Variants in GALNT18 observed in about 807,000 individuals in gnomAD.
GALNT18 encodes the protein GalNAc-transferase 18.
A neutral mutation model predicts 69.5 loss-of-function variants in GALNT18; 44 were observed. The ratio of observed to expected loss-of-function variants is 0.63; its 90% CI spans 0.50 to 0.81. The LOEUF (loss-of-function observed/expected upper bound fraction) is 0.81. Ranked by LOEUF, GALNT18 falls within the 40% of genes least tolerant of loss-of-function variation. The pLI is 0.00. For missense variants in GALNT18, 715 were observed against 810.0 expected, an observed-to-expected ratio of 0.88 and a Z score of 1.42; for synonymous variants, 364 against 318.2, an observed-to-expected ratio of 1.14 and a Z score of -1.53.
Position 11,476,999 on chromosome 11 carries a change from G to A in GALNT18, c.236-28063C>T, listed in dbSNP as rs1051677313. On this transcript the variant is annotated intron_variant, in intron 1 of 10. Transcript: ENST00000227756. ...TCTGAGTTGGGGTCCACCCATCCCC[G>A]AGGGAAAGGCTGGATGACCGACCTC... Among the ~76,000 whole-genome samples, 33 of 152,204 alleles carry A rather than the reference G, an allele frequency of 2.2e-4. 1 individual carries two copies. The highest frequency in any genetic ancestry group is 1.0e-4 in the Non-Finnish European group (7 of 68,024).
intron 10 of GALNT18, among the ~76,000 whole-genome samples, chr11:11,278,902 C>A (rs1476186508): frequency 6.6e-6 from 1 of 152,014 alleles, no homozygotes; most frequent in African/African-American, 2.4e-5. Flanking sequence ...AAAAGATAAC[C>A]CAATTATTCT....
rs77591236 is a variant in GALNT18 at position 11,590,273 on chromosome 11, A to G, written c.235+31086T>C. ...TCATGGGCACCTCCATGCTCTTTCC[A>G]TGTTCTCTCTCCCCGTATCTGCCGA... On this transcript the variant is annotated intron_variant, in intron 1 of 10. Transcript: ENST00000227756. The surrounding 1 kb of genome is among the most constrained non-coding windows in gnomAD (Gnocchi z 4.4). Among the ~76,000 whole-genome samples the G allele has an allele frequency of 0.023, 3,530 of 152,214 alleles. 144 individuals are homozygous for G. The highest frequency in any genetic ancestry group is 0.081 in the African/African-American group (3,367 of 41,522).
At position 11,273,766 on chromosome 11, in the gene GALNT18, G is replaced by A. The variant is rs183721918; in HGVS notation, c.1678-2476C>T. On this transcript the variant is annotated intron_variant, in intron 10 of 10. Transcript: ENST00000227756. ...TCCCATGTTTATTGCAGCACTATTC[G>A]CAATAGACAACATATGGAATCAACC... is the stretch of plus-strand genomic sequence containing the variant. 4.0e-3 allele frequency among the ~76,000 whole-genome samples: 605 copies of A among 152,176 alleles called. 4 individuals carry two copies. Among genetic ancestry groups the A allele is most frequent in the Non-Finnish European group, 6.6e-3 (452 of 68,014 alleles).
Position 11,459,406 on chromosome 11 carries a change from G to T in GALNT18, c.236-10470C>A, listed in dbSNP as rs1418702181. Among the ~76,000 whole-genome samples the T allele has an allele frequency of 6.6e-6, 1 of 152,198 alleles. No homozygotes were observed. The highest frequency in any genetic ancestry group is 2.4e-5 in the African/African-American group (1 of 41,460). On this transcript the variant is annotated intron_variant, in intron 1 of 10. Transcript: ENST00000227756. The surrounding 1 kb of genome is among the most constrained non-coding windows in gnomAD (Gnocchi z 5.0). ...GAGGACTTTATTCAGCATGGCAAAG[G>T]AAATCTAGGATGGCTTCCTCTGACA...
chr11:11,571,034 G>A (rs1203909928), intron 1 of GALNT18, among the ~76,000 whole-genome samples: 1 of 152,172 alleles, frequency 6.6e-6, no homozygotes, highest in Non-Finnish European at 1.5e-5. Context: ...ATGCTAAACT[G>A]AGTCACCATG....
rs113309842 is a variant in GALNT18, at chr11:11,443,605, C to T, written c.428+5139G>A. Among the ~76,000 whole-genome samples, 13 of 152,108 alleles carry T rather than the reference C, an allele frequency of 8.5e-5. No homozygotes were observed. The East Asian group carries it at 9.7e-4, about 11-fold the overall frequency. On this transcript the variant is annotated intron_variant, in intron 2 of 10. Coordinates refer to ENST00000227756, the MANE Select transcript of GALNT18 (RefSeq NM_198516.3). ...AGAGCCATAGGACATCTGGAGCCTG[C>T]GGCTGGGGCCATGGGGGATGGAGCC...
chr11:11,465,560 G>A lies in GALNT18; in HGVS notation c.236-16624C>T, dbSNP rs1255264136. ...GGTCAGGAAGCACAGCTTAGGAAGG[G>A]TCTTGAGAATGGCCTCCGGGAACCA... On this transcript the variant is annotated intron_variant, in intron 1 of 10. Transcript: ENST00000227756. The surrounding 1 kb of genome is among the most constrained non-coding windows in gnomAD (Gnocchi z 5.7). 2.6e-5 allele frequency among the ~76,000 whole-genome samples: 4 copies of A among 152,140 alleles called. No individual in the cohort carries two copies. The East Asian group carries it at 7.7e-4, about 29-fold the overall frequency.
Position 11,591,159 on chromosome 11 carries a change from C to CGTGTGTGTGTGT in GALNT18, c.235+30188_235+30199dup, listed in dbSNP as rs142063535. Reference sequence around the variant, plus strand: ...TGCTGACTCTGTAGGCCTAGGCTACCGTGTGTGTGTGTGTGTGTGTGTGTG... The same window carrying CGTGTGTGTGTGT: ...TGCTGACTCTGTAGGCCTAGGCTACCGTGTGTGTGTGTGTGTGTGTGTGTGTGTGTGTGTGTG... On this transcript the variant is annotated intron_variant, in intron 1 of 10. Transcript: ENST00000227756. This position sits in a 1 kb window ranked among gnomAD's most constrained non-coding sequence, Gnocchi z 4.8. 2.2e-3 allele frequency among the ~76,000 whole-genome samples: 323 copies of CGTGTGTGTGTGT among 149,056 alleles called. 1 individual carries two copies. The highest frequency in any genetic ancestry group is 0.014 in the Middle Eastern group (4 of 286).
chr11:11,423,601 G>A (rs923814079), intron 3 of GALNT18, among the ~76,000 whole-genome samples: 1 of 152,088 alleles, frequency 6.6e-6, no homozygotes. Flanking sequence ...TTCCCTTTTT[G>A]TCTCCTACTT....
chr11:11,313,570 T>G (rs748698528), intron 9 of GALNT18, among the ~76,000 whole-genome samples: 1 of 152,180 alleles, frequency 6.6e-6, no homozygotes, highest in Non-Finnish European at 1.5e-5. Context: ...CACCCTGTGA[T>G]GGCTTATTGT....
In GALNT18 at chr11:11,583,769, A is replaced by C. The variant is rs1859150194; in HGVS notation, c.235+37590T>G. Among the ~76,000 whole-genome samples the C allele has an allele frequency of 6.6e-6, 1 of 152,066 alleles. No homozygotes were observed. Among genetic ancestry groups the C allele is most frequent in the Admixed American group, 6.5e-5 (1 of 15,270 alleles). On this transcript the variant is annotated intron_variant, in intron 1 of 10. Transcript: ENST00000227756. This position sits in a 1 kb window ranked among gnomAD's most constrained non-coding sequence, Gnocchi z 4.7. ...TTCAGAAAAGCAAAAATCAAACCAG[A>C]CTTATAGCACTATCGGCCAGTAATG...
rs1317971507 is a variant in GALNT18, at chr11:11,435,559, A to G, written c.429-2772T>C. 6.6e-6 allele frequency among the ~76,000 whole-genome samples: 1 copy of G among 152,072 alleles called. No individual in the cohort carries two copies. ...ACCTGTTTATTGTCTGCCCCTCTCT[A>G]CTAGAATGAAGCCCCCTGAGAGCAG... On this transcript the variant is annotated intron_variant, in intron 2 of 10. Transcript: ENST00000227756. The surrounding 1 kb of genome is among the most constrained non-coding windows in gnomAD (Gnocchi z 4.4).
At chr11:11,408,319 C>T (rs1422026574) in intron 3 of GALNT18, among the ~76,000 whole-genome samples, 2 of 133,128 alleles carry the variant, frequency 1.5e-5, no homozygotes, top group African/African-American at 2.8e-5. Flanking sequence ...GAGCCAAGAT[C>T]GTGGCACAGC....
At chr11:11,508,751 A>T (rs1857116301) in intron 1 of GALNT18, among the ~76,000 whole-genome samples, 1 of 152,232 alleles carries the variant, frequency 6.6e-6, no homozygotes, top group Non-Finnish European at 1.5e-5. Flanking sequence ...ATGCACTTAC[A>T]GGATAGAACT....
At chr11:11,283,512 G>C (rs1312971401) in intron 10 of GALNT18, among the ~76,000 whole-genome samples, 1 of 152,194 alleles carries the variant, frequency 6.6e-6, no homozygotes, top group Non-Finnish European at 1.5e-5. Flanking sequence ...GGGTGGTGCT[G>C]TGTTGGGCAC....
chr11:11,347,099 C>T lies in GALNT18; in HGVS notation c.1093-6095G>A. ...AGGTCAGGGTTACATCTTGTATTGG[C>T]CACTCACACAAACAAGCCTCCTGCT... On this transcript the variant is annotated intron_variant, in intron 6 of 10. Coordinates refer to ENST00000227756, the MANE Select transcript of GALNT18 (RefSeq NM_198516.3). This position sits in a 1 kb window ranked among gnomAD's most constrained non-coding sequence, Gnocchi z 4.0. Among the ~76,000 whole-genome samples, 1 of 152,146 alleles carries T rather than the reference C, an allele frequency of 6.6e-6. No individual in the cohort carries two copies. Among genetic ancestry groups the T allele is most frequent in the African/African-American group, 2.4e-5 (1 of 41,434 alleles).
Position 11,282,213 on chromosome 11 carries a change from A to G in GALNT18, c.1677+10816T>C, listed in dbSNP as rs565396129. Among the ~76,000 whole-genome samples, 7 of 152,244 alleles carry G rather than the reference A, an allele frequency of 4.6e-5. No homozygotes were observed. In the East Asian group the frequency reaches 9.7e-4, roughly 21 times the overall value. The stretch of plus-strand genomic sequence containing the variant: ...CTCTCGGAAAATTTCATTCACAAAC[A>G]TTGCAAAGAAGCCTTCCTTTCCCAC... On this transcript the variant is annotated intron_variant, in intron 10 of 10. Coordinates refer to ENST00000227756, the MANE Select transcript of GALNT18 (RefSeq NM_198516.3).
chr11:11,609,129 A>T (rs564197573), intron 1 of GALNT18, among the ~76,000 whole-genome samples: 1 of 152,318 alleles, frequency 6.6e-6, no homozygotes, highest in African/African-American at 2.4e-5. Context: ...CAAGAGAAGT[A>T]CCCAGGAAGC....
intron 6 of GALNT18, among the ~76,000 whole-genome samples, chr11:11,350,754 A>G (rs954343048): frequency 2.0e-5 from 3 of 152,118 alleles, no homozygotes; most frequent in African/African-American, 7.2e-5. Flanking sequence ...CCACCCCACC[A>G]TCTGCTGGAT....
Sources: gnomAD v4.1 joint callset for allele counts (sites outside exome capture counted in the v4.1 genomes callset) on GRCh38, gnomAD v4.1.1 for gene constraint, Gnocchi (gnomAD v3.1) non-coding constraint, MANE v1.5 for transcripts, NCBI Gene and HGNC (gene_info 2026-07-23, HGNC 2026-07-21) for gene names.